Variants in SEMA3D observed in about 807,000 individuals in gnomAD.
SEMA3D encodes the protein semaphorin-3D.
A neutral mutation model predicts 100.1 loss-of-function variants in SEMA3D; 84 were observed. The observed-to-expected ratio is 0.84, with a 90% confidence interval of 0.70 to 1.01. The LOEUF (loss-of-function observed/expected upper bound fraction) is 1.01. Ranked by LOEUF, SEMA3D falls within the 50% of genes least tolerant of loss-of-function variation. The probability of loss-of-function intolerance (pLI) is 0.00; values close to 1 mark genes in which losing one functional copy is unlikely to be tolerated. For synonymous variants in SEMA3D, 312 were observed against 320.7 expected (o/e 0.97, Z 0.29); for missense variants, 875 against 934.1 (o/e 0.94, Z 0.82).
chr7:85,192,288 C>T, the SEMA3D span, among the ~76,000 whole-genome samples: 1 of 151,860 alleles, frequency 6.6e-6, no homozygotes, highest in Admixed American at 6.6e-5. Flanking sequence ...AACTTAGTAA[C>T]TAAGTGAATG....
intron 1 of SEMA3D, among the ~76,000 whole-genome samples, chr7:85,184,891 C>T (rs541173460): frequency 6.6e-6 from 1 of 152,298 alleles, no homozygotes; most frequent in East Asian, 1.9e-4. Flanking sequence ...CTCTAAGACC[C>T]GACTGGGTTA....
the SEMA3D span, among the ~76,000 whole-genome samples, chr7:85,196,499 A>G: frequency 1.3e-5 from 2 of 152,064 alleles, no homozygotes; most frequent in Admixed American, 1.3e-4. Flanking sequence ...ATCAAAAGAA[A>G]CAATTAAGAA....
intron 8 of SEMA3D, among the ~76,000 whole-genome samples, chr7:85,058,859 T>C (rs1047268209): frequency 1.3e-5 from 2 of 151,270 alleles, no homozygotes; most frequent in Non-Finnish European, 2.9e-5. Context: ...TTCATTACTA[T>C]TATATTCAAG....
At chr7:85,153,178 T>C (rs1790479722) in intron 2 of SEMA3D, among the ~76,000 whole-genome samples, 1 of 152,148 alleles carries the variant, frequency 6.6e-6, no homozygotes, top group Non-Finnish European at 1.5e-5. Flanking sequence ...ATCCTGAGAA[T>C]ACTGTATCTG....
intron 1 of SEMA3D, among the ~76,000 whole-genome samples, chr7:85,179,195 C>T (rs117387817): frequency 0.019 from 2,845 of 152,244 alleles, 231 homozygotes; most frequent in East Asian, 0.16. Flanking sequence ...TGGCCAGAGC[C>T]TCCTGTAGGG....
chr7:85,171,944 GGT>G (rs140105038), intron 1 of SEMA3D, among the ~76,000 whole-genome samples: 4 of 149,954 alleles, frequency 2.7e-5, no homozygotes, highest in Non-Finnish European at 3.0e-5. Flanking sequence ...ATGCTAAAGC[GGT>G]GTGTGTGTGT....
intron 3 of SEMA3D, among the ~76,000 whole-genome samples, chr7:85,103,090 C>T (rs1788799079): frequency 6.6e-6 from 1 of 152,040 alleles, no homozygotes; most frequent in African/African-American, 2.4e-5. Flanking sequence ...TATGAAAAGA[C>T]TTTGGGACAG....
the SEMA3D span, among the ~76,000 whole-genome samples, chr7:85,247,565 G>A: frequency 6.6e-6 from 1 of 152,034 alleles, no homozygotes; most frequent in African/African-American, 2.4e-5. Flanking sequence ...TTTACATGGA[G>A]AGGCATAAGA....
chr7:85,177,031 A>G (rs949651445), intron 1 of SEMA3D, among the ~76,000 whole-genome samples: 4 of 152,170 alleles, frequency 2.6e-5, no homozygotes, highest in African/African-American at 4.8e-5. Context: ...TTTGTAGCCT[A>G]GGAGCAATAG....
At chr7:85,180,895 C>T (rs145899095) in intron 1 of SEMA3D, among the ~76,000 whole-genome samples, 166 of 152,140 alleles carry the variant, frequency 1.1e-3, no homozygotes, top group Middle Eastern at 3.4e-3. Flanking sequence ...TTCATTTGCG[C>T]GGAGAAGTGA....
chr7:85,163,332 A>G (rs1381383074), intron 1 of SEMA3D, among the ~76,000 whole-genome samples: 1 of 152,122 alleles, frequency 6.6e-6, no homozygotes, highest in Non-Finnish European at 1.5e-5. Flanking sequence ...AATCAAGAGA[A>G]TTCAGTAAGA....
At chr7:85,198,766 T>A in the SEMA3D span, among the ~76,000 whole-genome samples, 45 of 151,394 alleles carry the variant, frequency 3.0e-4, 2 homozygotes, top group Non-Finnish European at 1.5e-5. Context: ...ATTAACTGGT[T>A]TAACTGTTTT....
chr7:85,073,326 G>C (rs1791829411), intron 5 of SEMA3D, among the ~76,000 whole-genome samples: 1 of 152,068 alleles, frequency 6.6e-6, no homozygotes, highest in Non-Finnish European at 1.5e-5. Context: ...TCAGAATTAG[G>C]TTAATTAGAA....
At chr7:85,049,123 G>A (rs1250304652) in intron 9 of SEMA3D, among the ~76,000 whole-genome samples, 1 of 150,978 alleles carries the variant, frequency 6.6e-6, no homozygotes, top group Admixed American at 6.6e-5. Context: ...TACTTTAGAT[G>A]AAATAAAAAT....
In SEMA3D at chr7:85,140,323, G is replaced by A. The variant is rs959310089; in HGVS notation, c.-41+13285C>T. 24 of 981,876 alleles carry A rather than the reference G, an allele frequency of 2.4e-5. No individual in the cohort carries two copies. The South Asian group carries it at 5.2e-4, about 21-fold the overall frequency. 60.8% of individuals were successfully genotyped at this position (981,876 alleles called of 1,614,324 possible). A position where few individuals can be genotyped will look rare whatever the true frequency, so the allele number is the denominator to read the frequency against. On this transcript the variant is annotated intron_variant, in intron 2 of 18. Transcript: ENST00000284136. ...TGATTGTGACAGAGTGAAAATGCAC[G>A]GCATTAGAAATCATATAAGTTAAGG...
At chr7:85,064,960 T>G (rs1791574898) in intron 8 of SEMA3D, among the ~76,000 whole-genome samples, 1 of 152,188 alleles carries the variant, frequency 6.6e-6, no homozygotes, top group Non-Finnish European at 1.5e-5. Flanking sequence ...AAGTTACCAT[T>G]ACAATCTAAC....
the SEMA3D span, among the ~76,000 whole-genome samples, chr7:85,222,303 GA>G: frequency 0.15 from 23,177 of 150,534 alleles, 4,099 homozygotes; most frequent in African/African-American, 0.43. Flanking sequence ...AAATTAACAT[GA>G]AAAAAAAATC....
At chr7:85,117,019 T>G (rs1789262899) in intron 3 of SEMA3D, among the ~76,000 whole-genome samples, 1 of 152,210 alleles carries the variant, frequency 6.6e-6, no homozygotes, top group Non-Finnish European at 1.5e-5. Context: ...ATATAGTCTT[T>G]GTGCTCTCCT....
chr7:85,083,963 C>G (rs192787903), intron 4 of SEMA3D, among the ~76,000 whole-genome samples: 2 of 151,284 alleles, frequency 1.3e-5, no homozygotes, highest in Non-Finnish European at 2.9e-5. Context: ...CTGGCCAACA[C>G]AGTGAAACTC....
Sources: gnomAD v4.1 joint callset for allele counts (sites outside exome capture counted in the v4.1 genomes callset) on GRCh38, gnomAD v4.1.1 for gene constraint, MANE v1.5 for transcripts, NCBI Gene and HGNC (gene_info 2026-07-23, HGNC 2026-07-21) for gene names.